Variants in HIVEP3 observed in about 807,000 individuals in gnomAD.
HIVEP3 encodes the protein transcription factor HIVEP3.
A neutral mutation model predicts 152.8 loss-of-function variants in HIVEP3; 49 were observed. That is an observed-to-expected ratio of 0.32 (90% CI 0.26 to 0.41). HIVEP3 has a LOEUF of 0.41. Ranked by LOEUF, HIVEP3 falls within the 10% of genes least tolerant of loss-of-function variation. HIVEP3 has a pLI of 1.00. For missense variants in HIVEP3, 2,790 were observed against 3,103.3 expected, an observed-to-expected ratio of 0.90 and a Z score of 2.40; for synonymous variants, 1,269 against 1,289.0, an observed-to-expected ratio of 0.98 and a Z score of 0.33.
At chr1:41,883,864 C>G (rs906882168) in intron 1 of HIVEP3, among the ~76,000 whole-genome samples, 10 of 152,062 alleles carry the variant, frequency 6.6e-5, no homozygotes, top group Non-Finnish European at 1.5e-4. Context: ...CATACTTAAG[C>G]TAGAAAATTT....
chr1:41,515,618 T>C (rs988741846), intron 7 of HIVEP3, among the ~76,000 whole-genome samples: 2 of 152,156 alleles, frequency 1.3e-5, no homozygotes, highest in Non-Finnish European at 2.9e-5. Flanking sequence ...AGAACTAAGG[T>C]TTACAGCCCT....
chr1:41,667,009 C>G (rs1645805923), intron 2 of HIVEP3, among the ~76,000 whole-genome samples: 1 of 152,216 alleles, frequency 6.6e-6, no homozygotes, highest in South Asian at 2.1e-4. Context: ...CCCACTCAGC[C>G]TTCCAGGCCA....
At position 41,615,815 on chromosome 1, in the gene HIVEP3, CTTTTTTTTTTTTTTTTT is replaced by C. The variant is rs747478470; in HGVS notation, c.-522+12917_-522+12933del. Among the ~76,000 whole-genome samples the C allele has an allele frequency of 1.7e-3, 81 of 47,030 alleles. 1 individual carries two copies. Among genetic ancestry groups the C allele is most frequent in the African/African-American group, 6.9e-3 (77 of 11,158 alleles). 30.9% of individuals were successfully genotyped at this position (47,030 alleles called of 152,430 possible). On this transcript the variant is annotated intron_variant, in intron 3 of 8. Transcript: ENST00000372583. Reference sequence around the variant, plus strand: ...AGGGCTTCCACTGTATTTGACAAGTCTTTTTTTTTTTTTTTTTTTTTTTTTTTTTTAGCAGGGTGGTG... The same window carrying C: ...AGGGCTTCCACTGTATTTGACAAGTCTTTTTTTTTTTTTAGCAGGGTGGTG...
chr1:41,945,131 T>G (rs1293860926), intron 1 of HIVEP3, among the ~76,000 whole-genome samples: 7 of 152,120 alleles, frequency 4.6e-5, no homozygotes, highest in Non-Finnish European at 1.0e-4. Context: ...ATGTAAAAAG[T>G]GTGATTTATG....
chr1:41,979,189 T>C (rs1645281013), intron 1 of HIVEP3, among the ~76,000 whole-genome samples: 1 of 152,204 alleles, frequency 6.6e-6, no homozygotes, highest in Non-Finnish European at 1.5e-5. Context: ...AAATGATTCT[T>C]AGGCAGATGA....
chr1:41,750,070 T>TA, intron 1 of HIVEP3, among the ~76,000 whole-genome samples: 1 of 152,326 alleles, frequency 6.6e-6, no homozygotes, highest in South Asian at 2.1e-4. Context: ...GCCTCCTGGT[T>TA]AAGAGTCAGA....
At chr1:41,978,451 GCACAGAGAA>G (rs1376582899) in intron 1 of HIVEP3, among the ~76,000 whole-genome samples, 2 of 152,200 alleles carry the variant, frequency 1.3e-5, no homozygotes, top group Non-Finnish European at 2.9e-5. Context: ...GGGTGCAGGT[GCACAGAGAA>G]AAGACCACAG....
At position 41,830,786 on chromosome 1, in the gene HIVEP3, C is replaced by G. The variant is rs537249737; in HGVS notation, c.-801+87627G>C. Among the ~76,000 whole-genome samples the G allele has an allele frequency of 2.0e-5, 3 of 152,304 alleles. No homozygotes were observed. The South Asian group carries it at 6.2e-4, about 32-fold the overall frequency. ...CCCAGTGAACTTCCTACACATAGATCCATCATCTCTGAGTCTGTTTCTGAG... is the reference window on the plus strand; with the variant it reads ...CCCAGTGAACTTCCTACACATAGATGCATCATCTCTGAGTCTGTTTCTGAG... On this transcript the variant is annotated intron_variant, in intron 1 of 8. Transcript: ENST00000372583.
rs1292754343 is a variant in HIVEP3, at chr1:41,581,873, C to T, written c.2925G>A (p.Met975Ile). The change falls in exon 4 of 9, where the codon ATG becomes ATA. Residue 975 changes from methionine (M) to isoleucine (I), a missense_variant. Met to Ile is a conservative substitution (Grantham distance 10). Transcript: ENST00000372583. The surrounding 1 kb of genome is among the most constrained non-coding windows in gnomAD (Gnocchi z 4.5). ...GTGGGTGGTGGCTGGGGACAGTCAACATGTGGGTGCCCAGGGGTTTGGGGC... is the reference window on the plus strand; with the variant it reads ...GTGGGTGGTGGCTGGGGACAGTCAATATGTGGGTGCCCAGGGGTTTGGGGC... ...DMRPKPLGTH[M>I]LTVPSHHPHA... 1.2e-6 allele frequency: 2 copies of T among 1,610,978 alleles called. No homozygotes were observed. The highest frequency in any genetic ancestry group is 1.3e-5 in the African/African-American group (1 of 74,888).
chr1:42,029,368 C>A (rs1456063497), intron 1 of HIVEP3, among the ~76,000 whole-genome samples: 1 of 152,102 alleles, frequency 6.6e-6, no homozygotes, highest in Non-Finnish European at 1.5e-5. Flanking sequence ...GACAAAAAAA[C>A]AAAACCTCAG....
chr1:41,619,325 A>T (rs927811170), intron 3 of HIVEP3, among the ~76,000 whole-genome samples: 1 of 152,172 alleles, frequency 6.6e-6, no homozygotes, highest in Admixed American at 6.5e-5. Context: ...CGTGCCCCCT[A>T]TTCCTTTCCT....
intron 3 of HIVEP3, among the ~76,000 whole-genome samples, chr1:41,605,375 G>GCGCA (rs1283562242): frequency 2.4e-5 from 3 of 126,706 alleles, no homozygotes; most frequent in East Asian, 7.5e-4. Flanking sequence ...ACGCACACGC[G>GCGCA]CACACACACA....
In HIVEP3 at chr1:41,709,583, G is replaced by A. The variant is rs141584422; in HGVS notation, c.-800-8588C>T. On this transcript the variant is annotated intron_variant, in intron 1 of 8. Transcript: ENST00000372583. ...AACCAGCCTATAGCTTGAGGACATG[G>A]AGAACAGAACCAAGCCCCAAGTGGG... 3.9e-5 allele frequency among the ~76,000 whole-genome samples: 6 copies of A among 152,350 alleles called. No homozygotes were observed. The East Asian group carries it at 9.7e-4, about 25-fold the overall frequency.
chr1:41,671,273 T>C (rs957934099), intron 2 of HIVEP3, among the ~76,000 whole-genome samples: 1 of 152,230 alleles, frequency 6.6e-6, no homozygotes. Flanking sequence ...TTTCCTCTGC[T>C]ACACACTGGC....
chr1:41,820,128 C>A (rs1367653572), intron 1 of HIVEP3, among the ~76,000 whole-genome samples: 1 of 152,120 alleles, frequency 6.6e-6, no homozygotes. Flanking sequence ...TATTCCATAT[C>A]CCCCATACAT....
At chr1:41,941,395 G>T (rs78625379) in intron 1 of HIVEP3, among the ~76,000 whole-genome samples, 228 of 152,330 alleles carry the variant, frequency 1.5e-3, no homozygotes, top group African/African-American at 4.8e-3. Flanking sequence ...CATAGGAAGA[G>T]TGGTCTATGA....
intron 1 of HIVEP3, among the ~76,000 whole-genome samples, chr1:41,866,825 G>C (rs952668434): frequency 6.6e-6 from 1 of 152,178 alleles, no homozygotes; most frequent in Non-Finnish European, 1.5e-5. Context: ...GCATGCTAAA[G>C]GTCATTTACA....
chr1:41,998,837 A>G (rs925789547), intron 1 of HIVEP3, among the ~76,000 whole-genome samples: 3 of 149,404 alleles, frequency 2.0e-5, no homozygotes, highest in African/African-American at 7.4e-5. Flanking sequence ...TTTTGATAGC[A>G]TCTACATAAT....
intron 1 of HIVEP3, among the ~76,000 whole-genome samples, chr1:41,993,535 C>T (rs1224086097): frequency 6.6e-6 from 1 of 152,104 alleles, no homozygotes; most frequent in Admixed American, 6.5e-5. Context: ...AATAGGAACA[C>T]TTATACACTG....
Sources: gnomAD v4.1 joint callset for allele counts (sites outside exome capture counted in the v4.1 genomes callset) on GRCh38, gnomAD v4.1.1 for gene constraint, Gnocchi (gnomAD v3.1) non-coding constraint, MANE v1.5 for transcripts, NCBI Gene and HGNC (gene_info 2026-07-23, HGNC 2026-07-21) for gene names.